MBD5: variants seen among roughly 807,000 people sequenced by gnomAD.
The protein encoded by MBD5 is methyl-CpG-binding domain protein 5.
A neutral mutation model predicts 117.3 loss-of-function variants in MBD5; 13 were observed. The ratio of observed to expected loss-of-function variants is 0.11; its 90% confidence interval spans 0.07 to 0.18. MBD5 has a LOEUF of 0.18. Among genes scored for constraint, MBD5 ranks in the 10% least tolerant of loss-of-function variants. The probability of loss-of-function intolerance (pLI) is 1.00; values close to 1 mark genes in which losing one functional copy is unlikely to be tolerated. For missense variants in MBD5, 1,879 were observed against 2,093.8 expected, an observed-to-expected ratio of 0.90 and a Z score of 2.00; for synonymous variants, 727 against 766.4, an observed-to-expected ratio of 0.95 and a Z score of 0.85.
At chr2:148,172,235 C>G (rs1337284226) in intron 1 of MBD5, among the ~76,000 whole-genome samples, 1 of 152,218 alleles carries the variant, frequency 6.6e-6, no homozygotes, top group Non-Finnish European at 1.5e-5. Flanking sequence ...ACCCTGGCAT[C>G]CCTGCGCTAT....
In MBD5 at chr2:148,110,501, C is replaced by G. The variant is rs1385889716; in HGVS notation, c.-924-68199C>G. ...GATTCTCATCTTGTGCATCAGAGCT[C>G]CCCTGTTGAATCTCTAGAAGCTTTT... On this transcript the variant is annotated intron_variant, in intron 1 of 13. Coordinates refer to ENST00000642680, the MANE Select transcript of MBD5 (RefSeq NM_001378120.1). Among the ~76,000 whole-genome samples the G allele has an allele frequency of 3.3e-5, 5 of 152,048 alleles. No homozygotes were observed. The South Asian group carries it at 8.3e-4, about 25-fold the overall frequency.
intron 3 of MBD5, among the ~76,000 whole-genome samples, chr2:148,328,157 G>A (rs1215576755): frequency 6.6e-6 from 1 of 152,216 alleles, no homozygotes; most frequent in Non-Finnish European, 1.5e-5. Flanking sequence ...CTGCTCGGGG[G>A]TCAGGGGTCA....
rs1198656271 is a variant in MBD5, at chr2:148,250,373, T to C, written c.-680+16978T>C. Among the ~76,000 whole-genome samples, 3 of 152,242 alleles carry C rather than the reference T, an allele frequency of 2.0e-5. No individual in the cohort carries two copies. The East Asian group carries it at 5.8e-4, about 29-fold the overall frequency. On this transcript the variant is annotated intron_variant, in intron 3 of 13. Transcript: ENST00000642680. The stretch of plus-strand genomic sequence containing the variant: ...AATAACTACTGGGTGACAGCAATAA[T>C]CTGTACAACCAATCCCTGTGACACA...
intron 1 of MBD5, among the ~76,000 whole-genome samples, chr2:148,075,796 G>T (rs1030810132): frequency 6.6e-6 from 1 of 152,104 alleles, no homozygotes; most frequent in Non-Finnish European, 1.5e-5. Context: ...TGTAACTGTA[G>T]TGATTTTAAA....
chr2:148,132,229 A>G (rs1359733930), intron 1 of MBD5, among the ~76,000 whole-genome samples: 2 of 151,774 alleles, frequency 1.3e-5, no homozygotes, highest in Non-Finnish European at 2.9e-5. Context: ...AGAGTTTTAT[A>G]TGAACTGTGG....
chr2:148,281,637 T>C (rs540143325), intron 3 of MBD5, among the ~76,000 whole-genome samples: 4 of 152,264 alleles, frequency 2.6e-5, no homozygotes, highest in Admixed American at 1.3e-4. Context: ...TTTCCTCGAG[T>C]GCTTTGGAAA....
chr2:148,364,143 A>T (rs1703625468), intron 4 of MBD5, among the ~76,000 whole-genome samples: 1 of 152,196 alleles, frequency 6.6e-6, no homozygotes, highest in Non-Finnish European at 1.5e-5. Context: ...AACAGCAGAT[A>T]TCTCAGTAGA....
intron 1 of MBD5, among the ~76,000 whole-genome samples, chr2:148,144,588 A>G (rs1697403003): frequency 6.6e-6 from 1 of 152,168 alleles, no homozygotes; most frequent in Non-Finnish European, 1.5e-5. Context: ...TATGTCTAAC[A>G]TTTAAATCTT....
intron 4 of MBD5, among the ~76,000 whole-genome samples, chr2:148,436,983 T>C (rs879848723): frequency 7.2e-5 from 11 of 152,064 alleles, no homozygotes; most frequent in Non-Finnish European, 1.6e-4. Context: ...TATGTTTTTA[T>C]TTATTTTTTA....
At chr2:148,491,100 TTC>T (rs1195355972) in intron 11 of MBD5, among the ~76,000 whole-genome samples, 1 of 152,172 alleles carries the variant, frequency 6.6e-6, no homozygotes, top group Non-Finnish European at 1.5e-5. Context: ...TTGCAGCCAT[TTC>T]TGGAAGCAGC....
chr2:148,116,977 A>G (rs1696654875), intron 1 of MBD5, among the ~76,000 whole-genome samples: 1 of 152,202 alleles, frequency 6.6e-6, no homozygotes, highest in Non-Finnish European at 1.5e-5. Flanking sequence ...TTCCTTTTCT[A>G]TACATTAAGG....
Position 148,484,126 on chromosome 2 carries a change from G to A in MBD5, c.3535G>A (p.Gly1179Ser). ...PQLLNPLLGT[G>S]LLGDMSSINN... ...GCTACTTAACCCTCTACTGGGGACA[G>A]GTCTACTTGGTAAGTTAAATTTTTT... Residue 1179 changes from glycine to serine, a missense_variant, in exon 9 of 14, where the codon GGT becomes AGT. Physicochemically the swap from Gly to Ser is moderately conservative, Grantham distance 56 (BLOSUM62 0). This residue lies in a region of MBD5 where 1,666 missense variants were observed against 1,792.2 expected (regional missense o/e 0.93). Transcript: ENST00000642680. 7.0e-7 allele frequency: 1 copy of A among 1,431,096 alleles called. No individual in the cohort carries two copies. Among genetic ancestry groups the A allele is most frequent in the Non-Finnish European group, 9.2e-7 (1 of 1,090,202 alleles). The allele number at this position is 1,431,096 out of a possible 1,614,324, so 88.6% of individuals were successfully genotyped here. A position where few individuals can be genotyped will look rare whatever the true frequency, so the allele number is the denominator to read the frequency against.
chr2:148,383,413 C>T (rs7593033), intron 4 of MBD5, among the ~76,000 whole-genome samples: 78,251 of 151,846 alleles, frequency 0.52, 20,379 homozygotes, highest in East Asian at 0.75. Context: ...CAGGAAGAAG[C>T]TGAATCTCCA....
At chr2:148,368,269 C>T (rs764334150) in intron 4 of MBD5, among the ~76,000 whole-genome samples, 74 of 151,932 alleles carry the variant, frequency 4.9e-4, no homozygotes, top group Non-Finnish European at 8.2e-4. Flanking sequence ...AAGTGGGAAC[C>T]GTACAATGAG....
intron 4 of MBD5, chr2:148,347,377 A>G (rs1703148280): frequency 6.6e-6 from 1 of 152,018 alleles, no homozygotes; most frequent in African/African-American, 2.4e-5. Flanking sequence ...CTTGTCTTTA[A>G]AAAAGAAAAT....
chr2:148,356,602 G>A (rs1703386688), intron 4 of MBD5, among the ~76,000 whole-genome samples: 1 of 152,062 alleles, frequency 6.6e-6, no homozygotes, highest in Non-Finnish European at 1.5e-5. Context: ...ATTAATTACA[G>A]TGCCAAGTAT....
intron 4 of MBD5, among the ~76,000 whole-genome samples, chr2:148,369,679 A>G (rs903274799): frequency 2.0e-5 from 3 of 152,088 alleles, no homozygotes; most frequent in African/African-American, 7.2e-5. Context: ...TTGTTGTAAT[A>G]CTTTTTGTTG....
intron 1 of MBD5, among the ~76,000 whole-genome samples, chr2:148,174,267 T>C (rs1698329654): frequency 6.6e-6 from 1 of 152,006 alleles, no homozygotes; most frequent in African/African-American, 2.4e-5. Flanking sequence ...AAGAACAAAA[T>C]TGGACCCTTA....
intron 3 of MBD5, among the ~76,000 whole-genome samples, chr2:148,264,021 T>A (rs576599533): frequency 4.6e-5 from 7 of 152,256 alleles, no homozygotes; most frequent in Admixed American, 3.3e-4. Context: ...TAGAGAGAGT[T>A]GATAGTATTG....
Sources: gnomAD v4.1 joint callset for allele counts (sites outside exome capture counted in the v4.1 genomes callset) on GRCh38, gnomAD v4.1.1 for gene constraint, gnomAD v4.1.1 regional missense constraint, MANE v1.5 for transcripts, NCBI Gene and HGNC (gene_info 2026-07-23, HGNC 2026-07-21) for gene names.